Variants in KIF11 observed in about 807,000 individuals in gnomAD.
KIF11 encodes the protein kinesin family member 11.
KIF11 carries 9 observed loss-of-function variants against 121.0 expected under a neutral mutation model. The ratio of observed to expected loss-of-function variants is 0.07; its 90% CI spans 0.04 to 0.13. KIF11 has a LOEUF of 0.13. Among genes scored for constraint, KIF11 ranks in the 10% least tolerant of loss-of-function variants. The pLI is 1.00. For synonymous variants in KIF11, 408 were observed against 421.0 expected (o/e 0.97, Z 0.38); for missense variants, 846 against 1,217.5 (o/e 0.69, Z 4.54).
chr10:92,635,616 T>C lies in KIF11; in HGVS notation c.1876-1568T>C, dbSNP rs74151670. On this transcript the variant is annotated intron_variant, in intron 14 of 21. Coordinates refer to ENST00000260731, the MANE Select transcript of KIF11 (RefSeq NM_004523.4). Reference sequence around the variant, plus strand: ...AAAGATCATTGATCACAGTGTATAATGAAAAAGTTAGAAATACTGTAGTAG... The same window carrying C: ...AAAGATCATTGATCACAGTGTATAACGAAAAAGTTAGAAATACTGTAGTAG... Among the ~76,000 whole-genome samples, 1,246 of 152,236 alleles carry C rather than the reference T, an allele frequency of 8.2e-3. 16 individuals are homozygous for C. Among genetic ancestry groups the C allele is most frequent in the African/African-American group, 0.029 (1,189 of 41,534 alleles).
Position 92,633,251 on chromosome 10 carries a change from G to A in KIF11, c.1703-372G>A, listed in dbSNP as rs553532286. ...AATTTAAAAAATCATCTAGACTCTA[G>A]TCTCACTAAGCCAAGCACTATACTT... On this transcript the variant is annotated intron_variant, in intron 13 of 21. Coordinates refer to ENST00000260731, the MANE Select transcript of KIF11 (RefSeq NM_004523.4). 5.3e-3 allele frequency among the ~76,000 whole-genome samples: 807 copies of A among 151,632 alleles called. 4 individuals are homozygous for A. Among genetic ancestry groups the A allele is most frequent in the Middle Eastern group, 0.01 (3 of 290 alleles).
At chr10:92,643,707 C>G (rs1282038492) in intron 17 of KIF11, among the ~76,000 whole-genome samples, 1 of 151,980 alleles carries the variant, frequency 6.6e-6, no homozygotes, top group African/African-American at 2.4e-5. Context: ...CAGGCACCTA[C>G]CACCATGCCC....
chr10:92,638,319 T>A (rs568085345), intron 16 of KIF11, among the ~76,000 whole-genome samples: 1 of 152,314 alleles, frequency 6.6e-6, no homozygotes, highest in Admixed American at 6.5e-5. Flanking sequence ...CCTGTGAGCA[T>A]CTAATAGTAT....
At chr10:92,604,088 A>G (rs892463927) in intron 1 of KIF11, among the ~76,000 whole-genome samples, 1 of 152,124 alleles carries the variant, frequency 6.6e-6, no homozygotes, top group Non-Finnish European at 1.5e-5. Context: ...GAATTTTTAT[A>G]TAACTATGGT....
At chr10:92,608,434 A>C (rs886769363) in intron 4 of KIF11, among the ~76,000 whole-genome samples, 1 of 150,538 alleles carries the variant, frequency 6.6e-6, no homozygotes, top group Non-Finnish European at 1.5e-5. Flanking sequence ...GGGCAGAATT[A>C]TTGAACTTGG....
At chr10:92,610,993 T>A (rs1176875295) in intron 6 of KIF11, among the ~76,000 whole-genome samples, 1 of 152,142 alleles carries the variant, frequency 6.6e-6, no homozygotes, top group African/African-American at 2.4e-5. Context: ...TTTCTTTAGG[T>A]ACATTTCACT....
intron 10 of KIF11, among the ~76,000 whole-genome samples, chr10:92,626,192 C>G (rs1212058370): frequency 2.0e-5 from 3 of 152,122 alleles, no homozygotes; most frequent in Non-Finnish European, 2.9e-5. Flanking sequence ...CTACAGTAAC[C>G]AAAACATCAT....
At chr10:92,638,448 A>G (rs1267393683) in intron 16 of KIF11, among the ~76,000 whole-genome samples, 5 of 152,176 alleles carry the variant, frequency 3.3e-5, no homozygotes, top group African/African-American at 4.8e-5. Context: ...ATACATCTAC[A>G]TAGGGTATTT....
intron 17 of KIF11, among the ~76,000 whole-genome samples, chr10:92,644,505 G>T (rs930290976): frequency 4.6e-5 from 7 of 152,098 alleles, no homozygotes; most frequent in Non-Finnish European, 8.8e-5. Context: ...TTTTAATAGA[G>T]ACAGGGCTTC....
chr10:92,629,397 T>C (rs1488964095), intron 11 of KIF11, among the ~76,000 whole-genome samples: 1 of 152,208 alleles, frequency 6.6e-6, no homozygotes, highest in African/African-American at 2.4e-5. Context: ...GCTGACAGCT[T>C]ATATTAATAA....
chr10:92,598,290 G>T (rs371365023), intron 1 of KIF11, among the ~76,000 whole-genome samples: 1 of 152,116 alleles, frequency 6.6e-6, no homozygotes, highest in Admixed American at 6.6e-5. Flanking sequence ...TTAGATAAGG[G>T]TCCAACCTCA....
chr10:92,648,013 G>A (rs1183211696), intron 18 of KIF11, among the ~76,000 whole-genome samples, 199 bp from the exon 19 acceptor site: 2 of 151,744 alleles, frequency 1.3e-5, no homozygotes, highest in African/African-American at 2.4e-5. Context: ...GGAGGCTGAG[G>A]TGGGAGGATG....
At chr10:92,606,857 A>G (rs1247492785) in intron 3 of KIF11, 141 bp downstream of exon 3, 1 of 644,908 alleles carries the variant, frequency 1.6e-6, no homozygotes, top group African/African-American at 1.8e-5. Context: ...GGCTCACTGC[A>G]GCCTCTGCCT....
chr10:92,623,157 T>G (rs1564709912), intron 10 of KIF11, among the ~76,000 whole-genome samples: 1 of 152,196 alleles, frequency 6.6e-6, no homozygotes, highest in Non-Finnish European at 1.5e-5. Flanking sequence ...ACCACTGCAA[T>G]CAAGATACAG....
At chr10:92,594,379 CAG>C (rs1261750036) in intron 1 of KIF11, among the ~76,000 whole-genome samples, 1 of 152,152 alleles carries the variant, frequency 6.6e-6, no homozygotes, top group Non-Finnish European at 1.5e-5. Flanking sequence ...AACAAGGTGT[CAG>C]AGAGGAAATT....
At chr10:92,631,625 TG>T (rs1844740039) in intron 12 of KIF11, among the ~76,000 whole-genome samples, 3 of 150,154 alleles carry the variant, frequency 2.0e-5, no homozygotes, top group Middle Eastern at 3.5e-3. Flanking sequence ...CCTCCCAAAG[TG>T]CTGGGATTAC....
intron 11 of KIF11, among the ~76,000 whole-genome samples, chr10:92,629,964 T>C (rs1844718434): frequency 6.6e-6 from 1 of 152,156 alleles, no homozygotes; most frequent in South Asian, 2.1e-4. Flanking sequence ...TGAAGGAAAC[T>C]GAAGAATTAA....
intron 10 of KIF11, among the ~76,000 whole-genome samples, chr10:92,623,216 C>T (rs1353869154): frequency 2.6e-5 from 4 of 152,184 alleles, no homozygotes; most frequent in Non-Finnish European, 4.4e-5. Flanking sequence ...ACTGTAGTCA[C>T]ACTCACCTCA....
intron 1 of KIF11, among the ~76,000 whole-genome samples, chr10:92,603,446 G>A (rs7096520): frequency 0.15 from 22,440 of 150,930 alleles, 3,552 homozygotes; most frequent in African/African-American, 0.4. Flanking sequence ...CTTTCACCCA[G>A]GCTGGAGTGT....
Sources: gnomAD v4.1 joint callset for allele counts (sites outside exome capture counted in the v4.1 genomes callset) on GRCh38, gnomAD v4.1.1 for gene constraint, MANE v1.5 for transcripts, NCBI Gene and HGNC (gene_info 2026-07-23, HGNC 2026-07-21) for gene names.